The following CFH variants were observed in gnomAD, a reference collection of about 807,000 sequenced individuals.
CFH encodes complement factor H.
Under a neutral mutation model 147.3 loss-of-function variants are expected in CFH, and 53 were observed. The observed-to-expected ratio is 0.36, with a 90% CI of 0.29 to 0.45. The LOEUF is 0.45. CFH is among the 20% of genes least tolerant of loss of function. The pLI, the probability that CFH is intolerant of heterozygous loss-of-function variation, is 1.00. For synonymous variants in CFH, 536 were observed against 489.4 expected (o/e 1.10, Z -1.26); for missense variants, 1,380 against 1,498.0 (o/e 0.92, Z 1.30).
chr1:196,719,045 T>C (rs1668937487), intron 11 of CFH, among the ~76,000 whole-genome samples: 2 of 152,070 alleles, frequency 1.3e-5, no homozygotes, highest in Non-Finnish European at 2.9e-5. Flanking sequence ...ATTGTTATTA[T>C]GGAGCACTTA....
Position 196,685,109 on chromosome 1 carries a change from C to T in CFH, c.836C>T (p.Pro279Leu). ...TATATTCCAAATGGTGACTACTCAC[C>T]TTTAAGGATTAAACACAGAACTGGA... ...NPYIPNGDYS[P>L]LRIKHRTGDE... Residue 279 changes from proline (P) to leucine (L), a missense_variant, in exon 7 of 22, where the codon CCT (proline) becomes CTT (leucine). Pro to Leu is a moderately conservative substitution (Grantham distance 98, BLOSUM62 -3). This residue lies in a region of CFH where 167 missense variants were observed against 228.0 expected (regional missense o/e 0.73). Transcript: ENST00000367429. 6.2e-7 allele frequency: 1 copy of T among 1,612,310 alleles called. No individual in the cohort carries two copies.
chr1:196,682,167 G>T (rs920581155), intron 6 of CFH, among the ~76,000 whole-genome samples: 3 of 151,640 alleles, frequency 2.0e-5, no homozygotes, highest in African/African-American at 7.3e-5. Flanking sequence ...ACAATCAAAG[G>T]TACGAAGAAC....
At chr1:196,725,015 C>T in intron 11 of CFH, 106 bp from the exon 12 acceptor site, 1 of 863,332 alleles carries the variant, frequency 1.2e-6, no homozygotes, top group Non-Finnish European at 1.9e-6. Flanking sequence ...ATCTGATGCC[C>T]CTCTGTATGA....
intron 9 of CFH, among the ~76,000 whole-genome samples, chr1:196,712,378 TTTA>T (rs1478808768): frequency 6.6e-6 from 1 of 151,342 alleles, no homozygotes; most frequent in African/African-American, 2.4e-5. Flanking sequence ...TAAATAATAA[TTTA>T]TTTTCAGTTT....
rs528884855 is a variant in CFH at position 196,728,371 on chromosome 1, A to G, written c.2262A>G (p.Lys754=). The stretch of plus-strand genomic sequence containing the variant: ...CAATAGATAAACTTAAGAAGTGCAA[A>G]TCATCAAATTTAATTATACTTGAGG... ...CVAIDKLKKC[K]SSNLIILEEH... is the part of the protein sequence containing the mutation. Residue 754 remains lysine, a synonymous_variant, in exon 15 of 22, where the codon AAA becomes AAG. Coordinates refer to ENST00000367429, the MANE Select transcript of CFH (RefSeq NM_000186.4). 1 of 1,558,464 alleles carries G rather than the reference A, an allele frequency of 6.4e-7. No individual in the cohort carries two copies. The highest frequency in any genetic ancestry group is 1.4e-5 in the African/African-American group (1 of 72,840).
chr1:196,742,060 G>A lies in CFH; in HGVS notation c.3133+9G>A. 1 of 1,613,760 alleles carries A rather than the reference G, an allele frequency of 6.2e-7. No individual in the cohort carries two copies. Among genetic ancestry groups the A allele is most frequent in the South Asian group, 1.1e-5 (1 of 91,066 alleles). On this transcript the variant is annotated intron_variant, in intron 19 of 21. Coordinates refer to ENST00000367429, the MANE Select transcript of CFH (RefSeq NM_000186.4). ...AAGGCCAACATGCAGAGGTACTTTG[G>A]TGAATTTTCAAAATTTATTTATATA... is the stretch of plus-strand genomic sequence containing the variant.
rs35107961 is a variant in CFH, at chr1:196,671,247, A to G, written c.59-1731A>G. Among the ~76,000 whole-genome samples, 303 of 152,248 alleles carry G rather than the reference A, an allele frequency of 2.0e-3. 2 individuals are homozygous for G. Among genetic ancestry groups the G allele is most frequent in the Middle Eastern group, 6.8e-3 (2 of 294 alleles). ...CCTAAAATAGCTGTTATAAAGACCT[A>G]ACACTAATTCTAACATCTGAATCTG... On this transcript the variant is annotated intron_variant, in intron 1 of 21. Transcript: ENST00000367429.
rs1299388254 is a variant in CFH, at chr1:196,736,873, C to A, written c.2463C>A (p.His821Gln). The stretch of plus-strand genomic sequence containing the variant: ...CTCCACCTCAGATTCCCAATTCTCA[C>A]AATATGACAACCACACTGAATTATC... ...CPPPPQIPNS[H>Q]NMTTTLNYRD... The change falls in exon 16 of 22, where the codon CAC becomes CAA. Residue 821 changes from histidine (H) to glutamine (Q), a missense_variant. By Grantham distance (24) the His-to-Gln change is conservative (BLOSUM62 0). Around this residue, in one of 4 missense-constraint regions of CFH, gnomAD observed 830 missense variants for 821.4 expected, o/e 1.01. Coordinates refer to ENST00000367429, the MANE Select transcript of CFH (RefSeq NM_000186.4). The A allele has an allele frequency of 6.3e-7, 1 of 1,593,762 alleles. No homozygotes were observed.
chr1:196,652,395 G>T (rs1333167400), intron 1 of CFH, among the ~76,000 whole-genome samples: 1 of 151,712 alleles, frequency 6.6e-6, no homozygotes, highest in Non-Finnish European at 1.5e-5. Flanking sequence ...ATATAAAATA[G>T]AATAAAATGT....
intron 9 of CFH, among the ~76,000 whole-genome samples, chr1:196,704,952 CCT>C (rs1668550927): frequency 6.6e-6 from 1 of 152,140 alleles, no homozygotes; most frequent in Admixed American, 6.6e-5. Flanking sequence ...TCTGTATTCC[CCT>C]GAGTCCAGAG....
intron 11 of CFH, among the ~76,000 whole-genome samples, chr1:196,724,795 G>C (rs1394680790): frequency 6.6e-6 from 1 of 152,058 alleles, no homozygotes; most frequent in East Asian, 1.9e-4. Context: ...TAATATGAGA[G>C]AGTAATTTCA....
chr1:196,660,870 G>GT (rs1461726506), intron 1 of CFH, among the ~76,000 whole-genome samples: 2 of 152,110 alleles, frequency 1.3e-5, no homozygotes, highest in Admixed American at 6.6e-5. Flanking sequence ...GGGCACAAAC[G>GT]TATCACCTGG....
chr1:196,657,396 G>A (rs551453227), intron 1 of CFH, among the ~76,000 whole-genome samples: 4 of 152,240 alleles, frequency 2.6e-5, no homozygotes, highest in African/African-American at 9.6e-5. Context: ...AACTTCAGGG[G>A]TCTGCTTACT....
intron 12 of CFH, among the ~76,000 whole-genome samples, chr1:196,725,711 A>T (rs563814945): frequency 2.6e-5 from 4 of 152,202 alleles, no homozygotes; most frequent in Admixed American, 2.6e-4. Flanking sequence ...TGTCCAGAGA[A>T]CACATGATGA....
intron 1 of CFH, among the ~76,000 whole-genome samples, chr1:196,660,902 G>C (rs1275263897): frequency 6.6e-6 from 1 of 152,122 alleles, no homozygotes; most frequent in Non-Finnish European, 1.5e-5. Context: ...TAACCAGAAG[G>C]GAAAGCATTT....
chr1:196,712,787 C>A (rs1279128607), intron 9 of CFH, among the ~76,000 whole-genome samples: 12 of 119,706 alleles, frequency 1.0e-4, no homozygotes, highest in Non-Finnish European at 1.9e-4. Flanking sequence ...CCACAGCAGT[C>A]CCCACAGTGT....
chr1:196,719,925 AT>A (rs553435126), intron 11 of CFH, among the ~76,000 whole-genome samples: 251 of 151,136 alleles, frequency 1.7e-3, no homozygotes, highest in Admixed American at 2.2e-3. Flanking sequence ...TGTTTTTTAT[AT>A]TTTTTTTAAC....
At position 196,728,476 on chromosome 1, in the gene CFH, C is replaced by T; in HGVS notation, c.2367C>T (p.His789=). The T allele has an allele frequency of 6.2e-7, 1 of 1,612,926 alleles. No homozygotes were observed. The highest frequency in any genetic ancestry group is 8.5e-7 in the Non-Finnish European group (1 of 1,179,200). The change falls in exon 15 of 22, where the codon CAC becomes CAT. Residue 789 remains histidine (H), a synonymous_variant. Coordinates refer to ENST00000367429, the MANE Select transcript of CFH (RefSeq NM_000186.4). ...YRCRGKEGWI[H]TVCINGRWDP... is the part of the protein sequence containing the mutation. ...GTAGAGGAAAAGAAGGATGGATACA[C>T]ACAGTCTGCATAAATGGAAGATGGG...
At chr1:196,743,721 A>C in intron 20 of CFH, 93 bp downstream of exon 20, 2 of 1,557,728 alleles carry the variant, frequency 1.3e-6, no homozygotes, top group South Asian at 2.3e-5. Flanking sequence ...TTATTAATAG[A>C]TTTTTCAAAT....
Sources: allele counts gnomAD v4.1 joint callset (sites outside exome capture counted in the v4.1 genomes callset), GRCh38; gene constraint gnomAD v4.1.1; regional missense constraint gnomAD v4.1.1; transcripts MANE v1.5; gene names NCBI Gene and HGNC (gene_info 2026-07-23, HGNC 2026-07-21).